The following PCDHGB3 variants were observed in gnomAD, a reference collection of about 807,000 sequenced individuals.
The protein encoded by PCDHGB3 is protocadherin gamma-B3.
In PCDHGB3, 40 loss-of-function variants were observed where a neutral mutation model predicts 59.2. The observed-to-expected ratio is 0.68, with a 90% CI of 0.52 to 0.88. The LOEUF is 0.88. PCDHGB3 is among the 40% of genes least tolerant of loss of function. The pLI, the probability that PCDHGB3 is intolerant of heterozygous loss-of-function variation, is 0.00. For synonymous variants in PCDHGB3, 581 were observed against 503.6 expected (o/e 1.15, Z -2.06); for missense variants, 1,309 against 1,187.9 (o/e 1.10, Z -1.50).
chr5:141,389,827 G>A lies in PCDHGB3; in HGVS notation c.2415+17018G>A, dbSNP rs754189855. ...CTTCTGGTCGCCGTGCGTGACGGTG[G>A]ACAGCCACCACTCTCGGCCACTGCC... On this transcript the variant is annotated intron_variant, in intron 1 of 3. Transcript: ENST00000576222. The A allele has an allele frequency of 1.4e-5, 22 of 1,613,838 alleles. No individual in the cohort carries two copies. The African/African-American group carries it at 2.7e-4, about 20-fold the overall frequency.
At chr5:141,394,243 A>G (rs2092952699) in intron 1 of PCDHGB3, 2 of 1,613,844 alleles carry the variant, frequency 1.2e-6, no homozygotes, top group East Asian at 4.5e-5. Context: ...TTGACTGCAC[A>G]CGACCCCGAC....
At chr5:141,422,934 C>T in intron 1 of PCDHGB3, 1 of 1,614,254 alleles carries the variant, frequency 6.2e-7, no homozygotes, top group Non-Finnish European at 8.5e-7. Context: ...CTGCCCTCCC[C>T]ACAGACGGCT....
rs1233801398 is a variant in PCDHGB3, at chr5:141,431,238, C to T, written c.2415+58429C>T. The stretch of plus-strand genomic sequence containing the variant: ...TTCCCTCTACCCCACGCCTGGGATC[C>T]GGATATCGGGAAGAACTCTCTGCAG... On this transcript the variant is annotated intron_variant, in intron 1 of 3. Coordinates refer to ENST00000576222, the MANE Select transcript of PCDHGB3 (RefSeq NM_018924.5). This position sits in a 1 kb window ranked among gnomAD's most constrained non-coding sequence, Gnocchi z 4.8. The T allele has an allele frequency of 3.7e-6, 6 of 1,614,156 alleles. No homozygotes were observed. Among genetic ancestry groups the T allele is most frequent in the Non-Finnish European group, 8.5e-7 (1 of 1,180,038 alleles).
intron 1 of PCDHGB3, chr5:141,392,986 A>G (rs573495684): frequency 1.9e-6 from 3 of 1,613,454 alleles, no homozygotes; most frequent in East Asian, 4.5e-5. Context: ...GACCCCCGGA[A>G]GCTGGCGAAG....
chr5:141,417,732 C>T (rs2096153715), intron 1 of PCDHGB3: 4 of 1,390,342 alleles, frequency 2.9e-6, no homozygotes, highest in Admixed American at 2.8e-5. Context: ...AGACCTTGCC[C>T]AGCACACCAG....
rs776718024 is a variant in PCDHGB3 at position 141,486,333 on chromosome 5, T to C, written c.2416-8474T>C. 8.1e-6 allele frequency: 13 copies of C among 1,614,080 alleles called. No individual in the cohort carries two copies. Among genetic ancestry groups the C allele is most frequent in the Non-Finnish European group, 1.1e-5 (13 of 1,179,998 alleles). On this transcript the variant is annotated intron_variant, in intron 1 of 3. Coordinates refer to ENST00000576222, the MANE Select transcript of PCDHGB3 (RefSeq NM_018924.5). The surrounding 1 kb of genome is among the most constrained non-coding windows in gnomAD (Gnocchi z 5.0). ...TCAGGGTCAAACGGAGATGTGAGCC[T>C]CCGCATTCCTGACCACTTGCCATTT...
intron 1 of PCDHGB3, chr5:141,383,599 G>A: frequency 1.9e-6 from 3 of 1,613,742 alleles, no homozygotes; most frequent in Non-Finnish European, 2.5e-6. Context: ...GACAGTGGTG[G>A]ATGTGAATGA....
chr5:141,428,073 G>A (rs2097106496), intron 1 of PCDHGB3: 1 of 1,609,082 alleles, frequency 6.2e-7, no homozygotes, highest in Admixed American at 1.7e-5. Flanking sequence ...CGCAGATTCG[G>A]GACACAACGC....
chr5:141,432,991 CG>C lies in PCDHGB3; in HGVS notation c.2415+60186del. 1.9e-6 allele frequency: 3 copies of C among 1,614,200 alleles called. No homozygotes were observed. Among genetic ancestry groups the C allele is most frequent in the Non-Finnish European group, 2.5e-6 (3 of 1,180,030 alleles). On this transcript the variant is annotated intron_variant, in intron 1 of 3. Transcript: ENST00000576222. This position sits in a 1 kb window ranked among gnomAD's most constrained non-coding sequence, Gnocchi z 6.0. ...CGGCGTCGCACTTTGTGGGCGTGGACGGGGTGCAGGCTTTCCTGCAGACCTA... is the reference window on the plus strand; with the variant it reads ...CGGCGTCGCACTTTGTGGGCGTGGACGGGTGCAGGCTTTCCTGCAGACCTA...
At chr5:141,508,434 G>A (rs2099868795) in intron 3 of PCDHGB3, among the ~76,000 whole-genome samples, 1 of 152,160 alleles carries the variant, frequency 6.6e-6, no homozygotes, top group Admixed American at 6.5e-5. Flanking sequence ...AGCTCACACA[G>A]TTCCTTAGTG....
At chr5:141,500,672 C>A (rs2099801937) in intron 2 of PCDHGB3, among the ~76,000 whole-genome samples, 1 of 152,156 alleles carries the variant, frequency 6.6e-6, no homozygotes, top group South Asian at 2.1e-4. Context: ...TACTGTCCAA[C>A]AGAATTATAG....
chr5:141,371,602 G>A lies in PCDHGB3; in HGVS notation c.1208G>A (p.Arg403Lys). 6.2e-7 allele frequency: 1 copy of A among 1,613,990 alleles called. No homozygotes were observed. Among genetic ancestry groups the A allele is most frequent in the East Asian group, 2.2e-5 (1 of 44,882 alleles). The change falls in exon 1 of 4, where the codon AGG becomes AAG. Residue 403 changes from arginine (R) to lysine (K), a missense_variant. By Grantham distance (26) the Arg-to-Lys change is conservative. Transcript: ENST00000576222. ...GTTCAAGATACCAAAAACACATACA[G>A]GTTGGTGACAGATGGAGCCCTGGAC... ...KIVQDTKNTYRLVTDGALDRE... is the reference protein window; with the variant it reads ...KIVQDTKNTYKLVTDGALDRE...
chr5:141,374,977 T>C, intron 1 of PCDHGB3: 2 of 1,614,020 alleles, frequency 1.2e-6, no homozygotes, highest in Non-Finnish European at 1.7e-6. Flanking sequence ...ATGTTTTGAC[T>C]GGAGAAATTT....
chr5:141,400,402 G>T (rs574141234), intron 1 of PCDHGB3: 2 of 1,614,056 alleles, frequency 1.2e-6, no homozygotes, highest in South Asian at 2.2e-5. Context: ...AGGAAAGACG[G>T]AGTTTAATTT....
chr5:141,510,435 C>T (rs938448523), intron 3 of PCDHGB3, among the ~76,000 whole-genome samples: 2 of 152,108 alleles, frequency 1.3e-5, no homozygotes, highest in Non-Finnish European at 2.9e-5. Context: ...ATGGCTGCTG[C>T]CCTCCAGGAG....
intron 1 of PCDHGB3, chr5:141,376,347 A>G (rs1218451115): frequency 6.2e-7 from 1 of 1,614,056 alleles, no homozygotes; most frequent in Non-Finnish European, 8.5e-7. Flanking sequence ...ACCTATTCCC[A>G]CGAGGTCTCA....
chr5:141,504,963 AC>A (rs1409940135), intron 2 of PCDHGB3, among the ~76,000 whole-genome samples: 1 of 152,038 alleles, frequency 6.6e-6, no homozygotes, highest in Non-Finnish European at 1.5e-5. Context: ...AATGCATTGG[AC>A]CAGCCTGGCC....
rs1330469043 is a variant in PCDHGB3 at position 141,491,537 on chromosome 5, C to A, written c.2416-3270C>A. On this transcript the variant is annotated intron_variant, in intron 1 of 3. Transcript: ENST00000576222. This position sits in a 1 kb window ranked among gnomAD's most constrained non-coding sequence, Gnocchi z 6.9. ...AAGTACATGGAGGTGACGCTGCGGCCCACAGACTCGCAGAGCCACTGCTAC... is the reference window on the plus strand; with the variant it reads ...AAGTACATGGAGGTGACGCTGCGGCACACAGACTCGCAGAGCCACTGCTAC... The A allele has an allele frequency of 6.2e-7, 1 of 1,613,908 alleles. No homozygotes were observed. Among genetic ancestry groups the A allele is most frequent in the African/African-American group, 1.3e-5 (1 of 74,920 alleles).
At chr5:141,465,284 A>C (rs2099100147) in intron 1 of PCDHGB3, among the ~76,000 whole-genome samples, 1 of 152,176 alleles carries the variant, frequency 6.6e-6, no homozygotes, top group African/African-American at 2.4e-5. Flanking sequence ...TTCACCCCTA[A>C]AGAACTGAGA....
Sources: gnomAD v4.1 joint callset for allele counts (sites outside exome capture counted in the v4.1 genomes callset) on GRCh38, gnomAD v4.1.1 for gene constraint, Gnocchi (gnomAD v3.1) non-coding constraint, MANE v1.5 for transcripts, NCBI Gene and HGNC (gene_info 2026-07-23, HGNC 2026-07-21) for gene names.